Variants in SCIN observed in about 807,000 individuals in gnomAD.
SCIN encodes the protein adseverin.
A neutral mutation model predicts 91.8 loss-of-function variants in SCIN; 91 were observed. The ratio of observed to expected loss-of-function variants is 0.99; its 90% CI spans 0.84 to 1.18. The LOEUF (loss-of-function observed/expected upper bound fraction) is 1.18, where lower values mean the gene tolerates loss of function less well. Among genes scored for constraint, SCIN ranks in the 50% most tolerant of loss-of-function variants. SCIN has a pLI of 0.00. For missense variants in SCIN, 1,087 were observed against 863.9 expected (o/e 1.26, Z -3.24); for synonymous variants, 367 against 312.6 (o/e 1.17, Z -1.84).
chr7:12,605,115 G>A (rs537496567), intron 4 of SCIN, among the ~76,000 whole-genome samples: 5 of 151,920 alleles, frequency 3.3e-5, no homozygotes, highest in South Asian at 2.1e-4. Flanking sequence ...GCAGTGGCAC[G>A]ATCTCCACTC....
intron 8 of SCIN, 81 bp from the exon 9 acceptor site, chr7:12,629,020 C>A: frequency 4.8e-6 from 6 of 1,238,742 alleles, no homozygotes; most frequent in Non-Finnish European, 6.5e-6. Flanking sequence ...TGGATTTGAA[C>A]CAAAAATTAT....
intron 1 of SCIN, among the ~76,000 whole-genome samples, chr7:12,572,729 A>C (rs1481300324): frequency 6.6e-6 from 1 of 152,240 alleles, no homozygotes; most frequent in Non-Finnish European, 1.5e-5. Context: ...TCAAAAATAT[A>C]ATAGAAAATG....
Position 12,652,593 on chromosome 7 carries a change from A to C in SCIN, c.2026A>C (p.Met676Leu), listed in dbSNP as rs1784103929. ...EKKESLKSAKMYLETDPSGRD... is the reference protein window; with the variant it reads ...EKKESLKSAKLYLETDPSGRD... ...GTCTTTACAACTTTTTTTAGCCAAA[A>C]TGTACCTTGAGACAGACCCTTCTGG... The change falls in exon 16 of 16, where the codon ATG becomes CTG. Residue 676 changes from methionine (M) to leucine (L), a missense_variant. Coordinates refer to ENST00000297029, the MANE Select transcript of SCIN (RefSeq NM_001112706.3). 1 of 1,612,300 alleles carries C rather than the reference A, an allele frequency of 6.2e-7. No homozygotes were observed. The highest frequency in any genetic ancestry group is 2.2e-5 in the East Asian group (1 of 44,670).
rs558337871 is a variant in SCIN at position 12,644,688 on chromosome 7, A to C, written c.1864A>C (p.Lys622Gln). 51 of 1,569,438 alleles carry C rather than the reference A, an allele frequency of 3.2e-5. No homozygotes were observed. The highest frequency in any genetic ancestry group is 4.4e-5 in the Non-Finnish European group (51 of 1,156,578). Reference sequence around the variant, plus strand: ...ACCTCGGCTTTACGGCTGCTCTAACAAAACTGGAAGATTTGTTGTAAGTGT... The same window carrying C: ...ACCTCGGCTTTACGGCTGCTCTAACCAAACTGGAAGATTTGTTGTAAGTGT... ...HPPRLYGCSNKTGRFVIEEIP... is the reference protein window; with the variant it reads ...HPPRLYGCSNQTGRFVIEEIP... Residue 622 changes from lysine (K) to glutamine (Q), a missense_variant, in exon 13 of 16, where the codon AAA (lysine) becomes CAA (glutamine). By Grantham distance (53) the Lys-to-Gln change is moderately conservative. Transcript: ENST00000297029.
intron 4 of SCIN, among the ~76,000 whole-genome samples, chr7:12,609,049 T>C (rs1272574575): frequency 6.6e-6 from 1 of 152,180 alleles, no homozygotes; most frequent in Non-Finnish European, 1.5e-5. Flanking sequence ...CAGCTATTGA[T>C]CACAGTATTT....
intron 4 of SCIN, among the ~76,000 whole-genome samples, chr7:12,609,383 G>A (rs76909560): frequency 0.11 from 16,890 of 151,988 alleles, 1,193 homozygotes; most frequent in East Asian, 0.18. Flanking sequence ...AGCTTTTTTC[G>A]TGATCTTTCT....
In SCIN at chr7:12,652,619, A is replaced by G. The variant is rs1228370512; in HGVS notation, c.2052A>G (p.Gly684=). The part of the protein sequence containing the change: ...AKMYLETDPS[G]RDKRTPIVII... ...TGTACCTTGAGACAGACCCTTCTGG[A>G]AGAGACAAGAGGACACCAATTGTCA... The change falls in exon 16 of 16, where the codon GGA becomes GGG. Residue 684 remains glycine, a synonymous_variant. Coordinates refer to ENST00000297029, the MANE Select transcript of SCIN (RefSeq NM_001112706.3). 14 of 1,613,242 alleles carry G rather than the reference A, an allele frequency of 8.7e-6. No individual in the cohort carries two copies. The highest frequency in any genetic ancestry group is 1.1e-5 in the Non-Finnish European group (13 of 1,179,592).
chr7:12,588,839 A>AGGGGGGGGGGGGGGGGGGGGGG (rs1562599677), intron 3 of SCIN: 2 of 2,818 alleles, frequency 7.1e-4, no homozygotes, highest in Admixed American at 2.6e-3. Flanking sequence ...GCGGGTGGGA[A>AGGGGGGGGGGGGGGGGGGGGGG]GGGGGAGGGG....
intron 8 of SCIN, among the ~76,000 whole-genome samples, chr7:12,628,701 A>G (rs557270954): frequency 1.1e-4 from 17 of 152,194 alleles, no homozygotes; most frequent in Non-Finnish European, 2.2e-4. Flanking sequence ...CCGCTATCTT[A>G]AAGCACAGGG....
chr7:12,611,418 T>G (rs1159981728), intron 4 of SCIN, among the ~76,000 whole-genome samples: 1 of 152,198 alleles, frequency 6.6e-6, no homozygotes, highest in Non-Finnish European at 1.5e-5. Context: ...CAGCATTCCT[T>G]AAAGTTTTTC....
At position 12,657,572 on chromosome 7, in the gene SCIN, ATT is replaced by A. The variant is rs71030521; in HGVS notation, c.*4882_*4883del. Reference sequence around the variant, plus strand: ...TATATATATATATATATATATATATATTTTTTTTTTTTTTTTTTTTTTTTTTG... The same window carrying A: ...TATATATATATATATATATATATATATTTTTTTTTTTTTTTTTTTTTTTTG... On this transcript the variant is annotated 3_prime_UTR_variant, in exon 16 of 16. Coordinates refer to ENST00000297029, the MANE Select transcript of SCIN (RefSeq NM_001112706.3). The A allele has an allele frequency of 7.0e-3, 153 of 21,950 alleles. No individual in the cohort carries two copies. Among genetic ancestry groups the A allele is most frequent in the East Asian group, 0.032 (8 of 252 alleles). The allele number at this position is 21,950 out of a possible 1,614,324, so 1.4% of individuals were successfully genotyped here. A position where few individuals can be genotyped will look rare whatever the true frequency, so the allele number is the denominator to read the frequency against.
At chr7:12,582,796 A>G (rs1562595978) in intron 3 of SCIN, among the ~76,000 whole-genome samples, 1 of 152,186 alleles carries the variant, frequency 6.6e-6, no homozygotes, top group South Asian at 2.1e-4. Context: ...ACTCGTGCAC[A>G]TAAATGTCTA....
At chr7:12,602,437 C>T (rs189014310) in intron 3 of SCIN, among the ~76,000 whole-genome samples, 189 of 152,184 alleles carry the variant, frequency 1.2e-3, no homozygotes, top group African/African-American at 4.1e-3. Flanking sequence ...AAACAGGGTT[C>T]GAGAGCAGAG....
At position 12,655,410 on chromosome 7, in the gene SCIN, C is replaced by A. The variant is rs1422545008; in HGVS notation, c.*2695C>A. 6.6e-6 allele frequency: 1 copy of A among 151,874 alleles called. No individual in the cohort carries two copies. Among genetic ancestry groups the A allele is most frequent in the Non-Finnish European group, 1.5e-5 (1 of 67,952 alleles). The allele number at this position is 151,874 out of a possible 1,614,324, so 9.4% of individuals were successfully genotyped here. On this transcript the variant is annotated 3_prime_UTR_variant, in exon 16 of 16. Coordinates refer to ENST00000297029, the MANE Select transcript of SCIN (RefSeq NM_001112706.3). ...TCCTTTCACTGAAAAGAAACTCTTA[C>A]AAATCAATGAGTCAACAACCCAATG... is the stretch of plus-strand genomic sequence containing the variant.
intron 5 of SCIN, among the ~76,000 whole-genome samples, chr7:12,624,785 A>G (rs944024764): frequency 2.6e-5 from 4 of 152,202 alleles, no homozygotes; most frequent in Non-Finnish European, 4.4e-5. Flanking sequence ...AGGACTTTCA[A>G]AAAAATTAGA....
intron 11 of SCIN, among the ~76,000 whole-genome samples, chr7:12,643,017 A>C (rs1583319975): frequency 6.6e-6 from 1 of 152,232 alleles, no homozygotes; most frequent in African/African-American, 2.4e-5. Context: ...TATCAAAATG[A>C]CATTTAAGCA....
At chr7:12,614,853 G>A (rs751562530) in intron 4 of SCIN, among the ~76,000 whole-genome samples, 3 of 152,196 alleles carry the variant, frequency 2.0e-5, no homozygotes, top group Admixed American at 6.5e-5. Context: ...GCCAAATAAT[G>A]CCACCATGTA....
chr7:12,626,123 A>G, intron 7 of SCIN: 2 of 377,660 alleles, frequency 5.3e-6, no homozygotes, highest in Non-Finnish European at 9.4e-6. Context: ...GGTTTAGCTA[A>G]GAGCACTTAA....
chr7:12,592,665 A>G (rs191042212), intron 3 of SCIN, among the ~76,000 whole-genome samples: 45 of 152,036 alleles, frequency 3.0e-4, no homozygotes, highest in Non-Finnish European at 6.2e-4. Context: ...GTCTCAGCCT[A>G]GAATGGGGGT....
Sources: allele counts gnomAD v4.1 joint callset (sites outside exome capture counted in the v4.1 genomes callset), GRCh38; gene constraint gnomAD v4.1.1; transcripts MANE v1.5; gene names NCBI Gene and HGNC (gene_info 2026-07-23, HGNC 2026-07-21).